PCGF6: variants seen among roughly 807,000 people sequenced by gnomAD.
The protein encoded by PCGF6 is polycomb group RING finger protein 6.
A neutral mutation model predicts 45.5 loss-of-function variants in PCGF6; 24 were observed. That is an observed-to-expected ratio of 0.53 (90% CI 0.38 to 0.74). The LOEUF (loss-of-function observed/expected upper bound fraction) is 0.74, where lower values mean the gene tolerates loss of function less well. Among genes scored for constraint, PCGF6 ranks in the 30% least tolerant of loss-of-function variants. The pLI, the probability that PCGF6 is intolerant of heterozygous loss-of-function variation, is 0.00. For synonymous variants in PCGF6, 152 were observed against 162.1 expected (o/e 0.94, Z 0.47); for missense variants, 356 against 443.2 (o/e 0.80, Z 1.77).
chr10:103,314,288 G>GAGT lies in PCGF6; in HGVS notation c.910-19_910-17dup, dbSNP rs752521668. 4 of 1,461,306 alleles carry GAGT rather than the reference G, an allele frequency of 2.7e-6. No individual in the cohort carries two copies. In the African/African-American group the frequency reaches 5.6e-5, roughly 21 times the overall value. 90.5% of individuals were successfully genotyped at this position (1,461,306 alleles called of 1,614,324 possible). ...TTATATCTACCTATGGACATGAAGA[G>GAGT]AGTATTAGATTGATTTCTTGCTTCA... On this transcript the variant is annotated splice_polypyrimidine_tract_variant and intron_variant, in intron 8 of 9. Transcript: ENST00000369847.
chr10:103,315,778 G>A (rs1436138024), intron 8 of PCGF6, among the ~76,000 whole-genome samples: 3 of 152,094 alleles, frequency 2.0e-5, no homozygotes, highest in Admixed American at 6.6e-5. Flanking sequence ...AAACACAGGT[G>A]TGAGCCAGTG....
At chr10:103,326,492 A>G in intron 8 of PCGF6, 42 bp downstream of exon 8, 1 of 1,313,062 alleles carries the variant, frequency 7.6e-7, no homozygotes, top group Non-Finnish European at 1.1e-6. Flanking sequence ...GCTAAAGGTA[A>G]GCTCACAACT....
At position 103,349,001 on chromosome 10, in the gene PCGF6, T is replaced by C; in HGVS notation, c.361-2A>G. The stretch of plus-strand genomic sequence containing the variant: ...CAGCTCAGAGAGATTAATCAGGCGC[T>C]GCAAATAAACGGAAACAGTTTTAAA... On this transcript the variant is annotated splice_acceptor_variant, in intron 1 of 9. Coordinates refer to ENST00000369847, the MANE Select transcript of PCGF6 (RefSeq NM_001011663.2). LOFTEE classifies it high-confidence loss of function. 1 of 1,604,112 alleles carries C rather than the reference T, an allele frequency of 6.2e-7. No individual in the cohort carries two copies. The highest frequency in any genetic ancestry group is 1.1e-5 in the South Asian group (1 of 88,704).
At chr10:103,346,764 C>T (rs2093301313) in intron 5 of PCGF6, among the ~76,000 whole-genome samples, 1 of 152,172 alleles carries the variant, frequency 6.6e-6, no homozygotes, top group African/African-American at 2.4e-5. Flanking sequence ...CATTGCACTC[C>T]AGCCTGGCAA....
At chr10:103,319,850 G>C (rs923575254) in intron 8 of PCGF6, among the ~76,000 whole-genome samples, 1 of 152,140 alleles carries the variant, frequency 6.6e-6, no homozygotes, top group Non-Finnish European at 1.5e-5. Context: ...TCTGTCGCCA[G>C]GCTGTAGTGC....
At chr10:103,326,722 T>A in intron 7 of PCGF6, 90 bp from the exon 8 acceptor site, 1 of 853,320 alleles carries the variant, frequency 1.2e-6, no homozygotes, top group South Asian at 2.6e-5. Context: ...GTGTAAACAT[T>A]AAAGAAAATT....
At chr10:103,339,732 GGTTGCA>G (rs2093271408) in intron 6 of PCGF6, among the ~76,000 whole-genome samples, 2 of 151,036 alleles carry the variant, frequency 1.3e-5, no homozygotes, top group South Asian at 4.2e-4. Context: ...TGAGGACTGA[GGTTGCA>G]GTAAGCCAAG....
intron 7 of PCGF6, among the ~76,000 whole-genome samples, chr10:103,327,391 T>C (rs2093222632): frequency 6.6e-6 from 1 of 152,098 alleles, no homozygotes; most frequent in East Asian, 1.9e-4. Context: ...AAATGACAAA[T>C]ACATTAACCA....
At chr10:103,309,805 T>A (rs2093150263) in intron 9 of PCGF6, among the ~76,000 whole-genome samples, 1 of 151,912 alleles carries the variant, frequency 6.6e-6, no homozygotes, top group South Asian at 2.1e-4. Flanking sequence ...GTGGTGCACA[T>A]CTGTAACGTC....
chr10:103,351,087 G>C lies in PCGF6; in HGVS notation c.-21C>G, dbSNP rs2093320049. 1 of 1,352,088 alleles carries C rather than the reference G, an allele frequency of 7.4e-7. No homozygotes were observed. The highest frequency in any genetic ancestry group is 9.5e-7 in the Non-Finnish European group (1 of 1,051,572). 83.8% of individuals were successfully genotyped at this position (1,352,088 alleles called of 1,614,324 possible). On this transcript the variant is annotated 5_prime_UTR_variant, in exon 1 of 10. Coordinates refer to ENST00000369847, the MANE Select transcript of PCGF6 (RefSeq NM_001011663.2). ...TCCATGGTCGGGAGAGACACCAGGCGAGGCGAGGCGGCGGGAGAGCGCGGG... is the reference window on the plus strand; with the variant it reads ...TCCATGGTCGGGAGAGACACCAGGCCAGGCGAGGCGGCGGGAGAGCGCGGG...
chr10:103,313,254 C>T (rs1397232462), intron 9 of PCGF6, among the ~76,000 whole-genome samples: 1 of 152,146 alleles, frequency 6.6e-6, no homozygotes, highest in Non-Finnish European at 1.5e-5. Flanking sequence ...GAAGAACTGT[C>T]TTTGGCCAAC....
intron 6 of PCGF6, among the ~76,000 whole-genome samples, chr10:103,338,499 C>A (rs1365508394): frequency 1.3e-5 from 2 of 149,096 alleles, no homozygotes; most frequent in African/African-American, 2.5e-5. Context: ...GAGCTGAGAT[C>A]GCGCCACTGC....
intron 7 of PCGF6, among the ~76,000 whole-genome samples, chr10:103,331,832 GC>G (rs1564730679): frequency 6.6e-6 from 1 of 151,948 alleles, no homozygotes; most frequent in Non-Finnish European, 1.5e-5. Context: ...TCGCTGTGTC[GC>G]CCAGGCTGGA....
chr10:103,319,294 C>T (rs1249420692), intron 8 of PCGF6, among the ~76,000 whole-genome samples: 2 of 152,018 alleles, frequency 1.3e-5, no homozygotes, highest in African/African-American at 2.4e-5. Flanking sequence ...AGACTACAGG[C>T]GTACCACCAT....
At chr10:103,334,819 T>G (rs1014236820) in intron 6 of PCGF6, among the ~76,000 whole-genome samples, 3 of 152,182 alleles carry the variant, frequency 2.0e-5, no homozygotes, top group African/African-American at 7.2e-5. Context: ...ATATGCATGC[T>G]TTTCATTTAG....
At chr10:103,344,566 CCT>C (rs2093292589) in intron 6 of PCGF6, among the ~76,000 whole-genome samples, 1 of 151,222 alleles carries the variant, frequency 6.6e-6, no homozygotes, top group Non-Finnish European at 1.5e-5. Flanking sequence ...CCATGCCCAG[CCT>C]TTTTTTTTTT....
intron 9 of PCGF6, among the ~76,000 whole-genome samples, chr10:103,306,755 A>G (rs2093139628): frequency 1.3e-5 from 2 of 152,238 alleles, no homozygotes; most frequent in South Asian, 4.1e-4. Flanking sequence ...TGAAGTCAAT[A>G]GGGAATGTTG....
chr10:103,304,201 A>G (rs2093129417), intron 9 of PCGF6, among the ~76,000 whole-genome samples: 1 of 151,532 alleles, frequency 6.6e-6, no homozygotes, highest in African/African-American at 2.4e-5. Flanking sequence ...CAGTGGTGCA[A>G]TCTCAGCTCA....
intron 6 of PCGF6, among the ~76,000 whole-genome samples, chr10:103,342,122 G>T (rs1327630926): frequency 6.6e-6 from 1 of 150,916 alleles, no homozygotes. Flanking sequence ...TTTTGATAGA[G>T]ACAGTGTTTC....
Sources: allele counts gnomAD v4.1 joint callset (sites outside exome capture counted in the v4.1 genomes callset), GRCh38; gene constraint gnomAD v4.1.1; transcripts MANE v1.5; gene names NCBI Gene and HGNC (gene_info 2026-07-23, HGNC 2026-07-21).